FAM20C: variants seen among roughly 807,000 people sequenced by gnomAD.
FAM20C encodes extracellular serine/threonine protein kinase FAM20C.
FAM20C carries 40 observed loss-of-function variants against 51.5 expected under a neutral mutation model. The observed-to-expected ratio is 0.78, with a 90% confidence interval of 0.60 to 1.01. The LOEUF is 1.01. Ranked by LOEUF, FAM20C falls within the 50% of genes least tolerant of loss-of-function variation. FAM20C has a pLI of 0.00. For missense variants in FAM20C, 861 were observed against 844.7 expected, an observed-to-expected ratio of 1.02 and a Z score of -0.24; for synonymous variants, 406 against 380.6, an observed-to-expected ratio of 1.07 and a Z score of -0.78.
intron 3 of FAM20C, among the ~76,000 whole-genome samples, chr7:227,071 C>T (rs796787653): frequency 3.9e-5 from 6 of 152,168 alleles, no homozygotes; most frequent in South Asian, 2.1e-4. Context: ...TGTGTGTTTC[C>T]GTGGGGTCTC....
chr7:210,963 C>T (rs1410352123), intron 3 of FAM20C, among the ~76,000 whole-genome samples: 1 of 152,264 alleles, frequency 6.6e-6, no homozygotes, highest in Non-Finnish European at 1.5e-5. Flanking sequence ...TGTCCATCCT[C>T]ACATAGCCCT....
At position 256,782 on chromosome 7, in the gene FAM20C, C is replaced by A. The variant is rs534326893; in HGVS notation, c.1363+19C>A. On this transcript the variant is annotated intron_variant, in intron 7 of 9. Coordinates refer to ENST00000313766, the MANE Select transcript of FAM20C (RefSeq NM_020223.4). ...CTCATGGGTACGTCCCGCAGGGGCA[C>A]GGGGTCCCCGTGTCACTCGCCTTGC... 3.3e-6 allele frequency: 5 copies of A among 1,532,196 alleles called. No homozygotes were observed. Among genetic ancestry groups the A allele is most frequent in the Non-Finnish European group, 3.5e-6 (4 of 1,143,550 alleles). 94.9% of individuals were successfully genotyped at this position (1,532,196 alleles called of 1,614,324 possible). A position where few individuals can be genotyped will look rare whatever the true frequency, so the allele number is the denominator to read the frequency against.
chr7:234,495 T>C (rs1787793039), intron 3 of FAM20C, among the ~76,000 whole-genome samples: 9 of 152,132 alleles, frequency 5.9e-5, no homozygotes. Context: ...CCGGGACTCC[T>C]CTGAGCCCTG....
chr7:259,223 T>A (rs1562402701), intron 9 of FAM20C, among the ~76,000 whole-genome samples: 1 of 148,220 alleles, frequency 6.7e-6, no homozygotes, highest in Non-Finnish European at 1.5e-5. Flanking sequence ...CACCTCCCCA[T>A]CCTCCTGGGT....
intron 3 of FAM20C, among the ~76,000 whole-genome samples, chr7:216,940 G>A (rs968468427): frequency 1.2e-4 from 19 of 152,224 alleles, no homozygotes; most frequent in African/African-American, 4.1e-4. Context: ...GAGCAGTGAC[G>A]AGGAATTAAA....
chr7:256,166 T>C, intron 6 of FAM20C, 137 bp downstream of exon 6: 1 of 1,096,392 alleles, frequency 9.1e-7, no homozygotes, highest in Non-Finnish European at 1.3e-6. Context: ...CTGGCCTGTG[T>C]GAGATGACCG....
At chr7:203,092 G>A (rs936239997) in intron 2 of FAM20C, among the ~76,000 whole-genome samples, 15 of 152,254 alleles carry the variant, frequency 9.9e-5, no homozygotes, top group African/African-American at 3.4e-4. Context: ...ACTTGTCCAC[G>A]GTGTGGGGTG....
intron 8 of FAM20C, chr7:257,437 G>C (rs1018901409): frequency 1.7e-5 from 4 of 235,222 alleles, no homozygotes; most frequent in Non-Finnish European, 2.5e-5. Flanking sequence ...GCCAGCCAGC[G>C]GGGGATAGGC....
At chr7:203,626 G>T (rs1352920320) in intron 2 of FAM20C, among the ~76,000 whole-genome samples, 4 of 152,190 alleles carry the variant, frequency 2.6e-5, no homozygotes, top group Non-Finnish European at 5.9e-5. Flanking sequence ...CTGAGTGGTG[G>T]GCCCACGGTC....
chr7:258,394 CCGGGA>C, intron 8 of FAM20C, among the ~76,000 whole-genome samples: 1 of 111,364 alleles, frequency 9.0e-6, no homozygotes, highest in African/African-American at 3.1e-5. Flanking sequence ...GACCCACTGC[CCGGGA>C]TGCTGGAGAT....
At chr7:201,055 G>T (rs559853786) in intron 2 of FAM20C, among the ~76,000 whole-genome samples, 1 of 152,244 alleles carries the variant, frequency 6.6e-6, no homozygotes, top group South Asian at 2.1e-4. Flanking sequence ...GCTTGGAGAT[G>T]TGTGCGGTGG....
At chr7:257,912 G>T (rs570499551) in intron 8 of FAM20C, among the ~76,000 whole-genome samples, 30 of 136,676 alleles carry the variant, frequency 2.2e-4, no homozygotes, top group African/African-American at 8.5e-4. Context: ...GATGGGCTGG[G>T]TGGACACACT....
chr7:214,175 A>G (rs1786854301), intron 3 of FAM20C, among the ~76,000 whole-genome samples: 1 of 152,138 alleles, frequency 6.6e-6, no homozygotes, highest in African/African-American at 2.4e-5. Context: ...AAAGTACAAA[A>G]TTAGCTGGGC....
chr7:196,440 A>G (rs1785876631), intron 2 of FAM20C, among the ~76,000 whole-genome samples: 1 of 152,154 alleles, frequency 6.6e-6, no homozygotes, highest in African/African-American at 2.4e-5. Context: ...TGAAGGTCCC[A>G]TTTGTCACCA....
intron 5 of FAM20C, among the ~76,000 whole-genome samples, chr7:252,256 G>T: frequency 9.6e-6 from 1 of 104,248 alleles, no homozygotes; most frequent in African/African-American, 3.6e-5. Context: ...TGCCGGAGCC[G>T]AGGGCACATC....
intron 3 of FAM20C, among the ~76,000 whole-genome samples, chr7:235,912 C>A (rs1248529420): frequency 1.3e-5 from 2 of 152,238 alleles, no homozygotes; most frequent in African/African-American, 4.8e-5. Flanking sequence ...CCCTGTCTCC[C>A]CCAGCCACGG....
intron 2 of FAM20C, among the ~76,000 whole-genome samples, chr7:203,174 G>T (rs1207290066): frequency 1.3e-5 from 2 of 152,178 alleles, no homozygotes. Flanking sequence ...AGCTCTCAGT[G>T]GGTCCCTCCC....
chr7:202,966 G>A (rs1272264607), intron 2 of FAM20C, among the ~76,000 whole-genome samples: 1 of 152,250 alleles, frequency 6.6e-6, no homozygotes, highest in Non-Finnish European at 1.5e-5. Context: ...AGGCCCACTG[G>A]GGTTTGATTG....
At chr7:215,127 C>T (rs151293387) in intron 3 of FAM20C, among the ~76,000 whole-genome samples, 1,966 of 151,594 alleles carry the variant, frequency 0.013, 25 homozygotes, top group South Asian at 0.024. Flanking sequence ...GAGGACAGGG[C>T]GTGGTTAACA....
Sources: allele counts gnomAD v4.1 joint callset (sites outside exome capture counted in the v4.1 genomes callset), GRCh38; gene constraint gnomAD v4.1.1; transcripts MANE v1.5; gene names NCBI Gene and HGNC (gene_info 2026-07-23, HGNC 2026-07-21).